The following CFAP100 variants were observed in gnomAD, a reference collection of about 807,000 sequenced individuals.
The protein encoded by CFAP100 is cilia- and flagella-associated protein 100.
A neutral mutation model predicts 81.5 loss-of-function variants in CFAP100; 70 were observed. The observed-to-expected ratio is 0.86, with a 90% CI of 0.71 to 1.05. The LOEUF is 1.05. Among genes scored for constraint, CFAP100 ranks in the 50% least tolerant of loss-of-function variants. The pLI is 0.00. For synonymous variants in CFAP100, 341 were observed against 314.8 expected (o/e 1.08, Z -0.88); for missense variants, 811 against 776.5 (o/e 1.04, Z -0.53).
chr3:126,429,107 CAAAAAAAAA>C (rs57773311), intron 13 of CFAP100, among the ~76,000 whole-genome samples: 34 of 95,766 alleles, frequency 3.6e-4, no homozygotes, highest in Middle Eastern at 6.0e-3. Flanking sequence ...CGTCTCCATC[CAAAAAAAAA>C]AAAAAAAAAA....
At chr3:126,419,843 C>T (rs1410252182) in intron 9 of CFAP100, 25 bp downstream of exon 9, 1 of 1,611,888 alleles carries the variant, frequency 6.2e-7, no homozygotes, top group Admixed American at 1.7e-5. Context: ...AATGTGGGTT[C>T]CCAGGTGGGC....
At chr3:126,436,087 C>T (rs1432756446) in intron 16 of CFAP100, among the ~76,000 whole-genome samples, 1 of 152,236 alleles carries the variant, frequency 6.6e-6, no homozygotes, top group Non-Finnish European at 1.5e-5. Context: ...ATAGGTGGTG[C>T]TCCAGAGACC....
intron 8 of CFAP100, 59 bp from the exon 9 acceptor site, chr3:126,419,578 C>G: frequency 6.5e-7 from 1 of 1,528,024 alleles, no homozygotes; most frequent in East Asian, 2.3e-5. Flanking sequence ...GGCATGGGGA[C>G]CTCGCTGTGG....
intron 13 of CFAP100, among the ~76,000 whole-genome samples, chr3:126,431,092 T>G (rs1473624729): frequency 6.6e-6 from 1 of 152,192 alleles, no homozygotes; most frequent in East Asian, 1.9e-4. Flanking sequence ...GCCAGAGAGC[T>G]CAGCCAGAGA....
intron 4 of CFAP100, among the ~76,000 whole-genome samples, chr3:126,415,431 C>T (rs990754155): frequency 7.2e-5 from 11 of 152,010 alleles, no homozygotes; most frequent in African/African-American, 2.7e-4. Context: ...CTCCCCCTCC[C>T]GACAGGGTCC....
chr3:126,407,287 G>A (rs768116235), intron 3 of CFAP100, 35 bp downstream of exon 3: 1 of 1,492,826 alleles, frequency 6.7e-7, no homozygotes, highest in South Asian at 1.1e-5. Flanking sequence ...AGTCCAAGTT[G>A]GCAGGAGGCA....
intron 15 of CFAP100, among the ~76,000 whole-genome samples, chr3:126,434,977 TG>T (rs1437570384): frequency 6.6e-6 from 1 of 152,072 alleles, no homozygotes; most frequent in Non-Finnish European, 1.5e-5. Context: ...CCAAGGTAGA[TG>T]GGGGTTGTGG....
rs375213732 is a variant in CFAP100 at position 126,419,624 on chromosome 3, C to T, written c.732-13C>T. On this transcript the variant is annotated splice_polypyrimidine_tract_variant and intron_variant, in intron 8 of 16. Transcript: ENST00000352312. ...CCTCCTCCTTCCCACATCCTCACCCCGCCCCGGTGTAGTGAGATCTCCAGA... is the reference window on the plus strand; with the variant it reads ...CCTCCTCCTTCCCACATCCTCACCCTGCCCCGGTGTAGTGAGATCTCCAGA... 1.1e-5 allele frequency: 17 copies of T among 1,610,556 alleles called. No individual in the cohort carries two copies. The East Asian group carries it at 1.3e-4, about 13-fold the overall frequency.
intron 3 of CFAP100, among the ~76,000 whole-genome samples, chr3:126,413,865 A>C (rs569488959): frequency 1.3e-5 from 2 of 152,364 alleles, no homozygotes; most frequent in Non-Finnish European, 2.9e-5. Context: ...TTCAGGGGCC[A>C]GGGACAGAAG....
In CFAP100 at chr3:126,401,811, T is replaced by C. The variant is rs540730061; in HGVS notation, c.50-5361T>C. ...GAACATCCCTGCCAAACCCTGGTCC[T>C]TCTGTGGCTCCCAAGGGCCTCATCC... On this transcript the variant is annotated intron_variant, in intron 2 of 16. Transcript: ENST00000352312. Among the ~76,000 whole-genome samples the C allele has an allele frequency of 5.3e-5, 8 of 152,226 alleles. No individual in the cohort carries two copies. The East Asian group carries it at 1.6e-3, about 30-fold the overall frequency.
At position 126,419,064 on chromosome 3, in the gene CFAP100, C is replaced by A; in HGVS notation, c.651-12C>A. 1 of 1,522,730 alleles carries A rather than the reference C, an allele frequency of 6.6e-7. No homozygotes were observed. The highest frequency in any genetic ancestry group is 8.8e-7 in the Non-Finnish European group (1 of 1,130,074). 94.3% of individuals were successfully genotyped at this position (1,522,730 alleles called of 1,614,324 possible). ...TGCCCCCATCCCTCCTCCCCCGCCG[C>A]CCAACCCCTAGGGCTGAGAAGGAGA... On this transcript the variant is annotated splice_polypyrimidine_tract_variant and intron_variant, in intron 7 of 16. Coordinates refer to ENST00000352312, the MANE Select transcript of CFAP100 (RefSeq NM_182628.3).
chr3:126,400,109 T>C (rs1056609875), intron 2 of CFAP100, among the ~76,000 whole-genome samples: 1 of 152,182 alleles, frequency 6.6e-6, no homozygotes, highest in Non-Finnish European at 1.5e-5. Flanking sequence ...TAGCTCACAT[T>C]TAGAAATCTT....
chr3:126,406,709 C>T (rs1328971522), intron 2 of CFAP100, among the ~76,000 whole-genome samples: 1 of 152,134 alleles, frequency 6.6e-6, no homozygotes, highest in Non-Finnish European at 1.5e-5. Context: ...TCAGAAGGGC[C>T]ACTCCTCACG....
At chr3:126,424,980 G>A (rs540891472) in intron 13 of CFAP100, among the ~76,000 whole-genome samples, 1 of 152,352 alleles carries the variant, frequency 6.6e-6, no homozygotes, top group East Asian at 1.9e-4. Context: ...ATGCTCCTGA[G>A]CACCCATGTC....
At chr3:126,430,465 C>G (rs1274790497) in intron 13 of CFAP100, among the ~76,000 whole-genome samples, 2 of 152,252 alleles carry the variant, frequency 1.3e-5, no homozygotes, top group Admixed American at 1.3e-4. Context: ...ACCACAGGTA[C>G]TCCAAAAATA....
At chr3:126,419,282 C>A in intron 8 of CFAP100, 126 bp downstream of exon 8, 1 of 651,934 alleles carries the variant, frequency 1.5e-6, no homozygotes, top group Non-Finnish European at 2.7e-6. Context: ...ACTCTGCTTC[C>A]ATGAGGCTGT....
chr3:126,414,216 C>A, intron 4 of CFAP100, 37 bp downstream of exon 4: 1 of 1,468,378 alleles, frequency 6.8e-7, no homozygotes, highest in Non-Finnish European at 9.5e-7. Flanking sequence ...CCTCCGGGAG[C>A]TTCCCTGCTC....
intron 3 of CFAP100, among the ~76,000 whole-genome samples, chr3:126,409,022 C>CTGTT (rs2083114083): frequency 6.6e-6 from 1 of 152,198 alleles, no homozygotes; most frequent in Non-Finnish European, 1.5e-5. Context: ...CTCCTGGGCT[C>CTGTT]AATCAGTGCT....
At chr3:126,401,848 AG>A (rs1215433586) in intron 2 of CFAP100, among the ~76,000 whole-genome samples, 2 of 152,034 alleles carry the variant, frequency 1.3e-5, no homozygotes, top group Non-Finnish European at 1.5e-5. Context: ...TGTGCTCCCC[AG>A]GCTCACACCC....
Sources: gnomAD v4.1 joint callset for allele counts (sites outside exome capture counted in the v4.1 genomes callset) on GRCh38, gnomAD v4.1.1 for gene constraint, MANE v1.5 for transcripts, NCBI Gene and HGNC (gene_info 2026-07-23, HGNC 2026-07-21) for gene names.